Variants in ZFR2 observed in about 807,000 individuals in gnomAD.
ZFR2 encodes the protein zinc finger RNA binding protein 2, also known as zinc finger RNA-binding protein 2.
ZFR2 carries 104 observed loss-of-function variants against 105.7 expected under a neutral mutation model. That is an observed-to-expected ratio of 0.98 (90% CI 0.84 to 1.16). The LOEUF (loss-of-function observed/expected upper bound fraction) is 1.16, where lower values mean the gene tolerates loss of function less well. Ranked by LOEUF, ZFR2 falls within the 50% of genes most tolerant of loss-of-function variation. ZFR2 has a pLI of 0.00. For synonymous variants in ZFR2, 634 were observed against 597.7 expected (o/e 1.06, Z -0.89); for missense variants, 1,425 against 1,355.5 (o/e 1.05, Z -0.80).
rs2037761155 is a variant in ZFR2, at chr19:3,811,295, G to A, written c.2314C>T (p.Leu772Phe). The A allele has an allele frequency of 1.2e-6, 2 of 1,601,558 alleles. No individual in the cohort carries two copies. The highest frequency in any genetic ancestry group is 1.3e-5 in the African/African-American group (1 of 74,578). ...ACCTGAAACCACCTGGCATGACGGA[G>A]GGCGGCCAGGGACTCGAGGCACTTC... ...PKKCLESLAALRHARWFQARA... is the reference protein window; with the variant it reads ...PKKCLESLAAFRHARWFQARA... Residue 772 changes from leucine (L) to phenylalanine (F), a missense_variant, in exon 15 of 19, where the codon CTC becomes TTC. Coordinates refer to ENST00000262961, the MANE Select transcript of ZFR2 (RefSeq NM_015174.2).
chr19:3,811,873 G>T (rs1459102226), intron 14 of ZFR2, among the ~76,000 whole-genome samples: 1 of 152,152 alleles, frequency 6.6e-6, no homozygotes, highest in Non-Finnish European at 1.5e-5. Flanking sequence ...TGATCCTCCT[G>T]CCTCAGCCTC....
At chr19:3,822,640 C>T (rs543286132) in intron 8 of ZFR2, among the ~76,000 whole-genome samples, 1 of 152,208 alleles carries the variant, frequency 6.6e-6, no homozygotes, top group South Asian at 2.1e-4. Context: ...TGATTGAGCC[C>T]AGAAGTTTGA....
rs1037566457 is a variant in ZFR2 at position 3,808,778 on chromosome 19, G to A, written c.2545+94C>T. The A allele has an allele frequency of 5.7e-6, 6 of 1,056,980 alleles. No individual in the cohort carries two copies. In the Admixed American group the frequency reaches 8.5e-5, roughly 15 times the overall value. The allele number at this position is 1,056,980 out of a possible 1,614,324, so 65.5% of individuals were successfully genotyped here. A position where few individuals can be genotyped will look rare whatever the true frequency, so the allele number is the denominator to read the frequency against. ...CCTGCCTGGGCTGGACACTTCCTCT[G>A]TGTCTGTGACCCCAGCTCTCTGTGC... On this transcript the variant is annotated intron_variant, in intron 17 of 18. Transcript: ENST00000262961.
chr19:3,808,269 G>A (rs2037724792), intron 17 of ZFR2, among the ~76,000 whole-genome samples: 2 of 152,260 alleles, frequency 1.3e-5, no homozygotes, highest in African/African-American at 2.4e-5. Context: ...GTGTGCGTGT[G>A]CATGCCTACA....
At chr19:3,820,892 G>GT (rs1319290146) in intron 10 of ZFR2, among the ~76,000 whole-genome samples, 1 of 116,062 alleles carries the variant, frequency 8.6e-6, no homozygotes. Context: ...GGGGACACAG[G>GT]GACACTAGAG....
chr19:3,828,146 T>A (rs982766784), intron 5 of ZFR2, among the ~76,000 whole-genome samples: 18 of 137,720 alleles, frequency 1.3e-4, no homozygotes, highest in Admixed American at 2.2e-4. Context: ...ACGTCTCAAA[T>A]TTTTTTTTTT....
At chr19:3,808,287 T>C (rs2037725024) in intron 17 of ZFR2, among the ~76,000 whole-genome samples, 1 of 152,230 alleles carries the variant, frequency 6.6e-6, no homozygotes, top group Non-Finnish European at 1.5e-5. Context: ...ACACGTGTGC[T>C]TTACATGATG....
At chr19:3,836,162 C>T (rs1448136519) in intron 1 of ZFR2, among the ~76,000 whole-genome samples, 5 of 152,102 alleles carry the variant, frequency 3.3e-5, no homozygotes, top group East Asian at 1.9e-4. Flanking sequence ...AGCACTATGC[C>T]GATGGCTGTT....
Position 3,823,510 on chromosome 19 carries a change from G to T in ZFR2, c.1214-107C>A. The T allele has an allele frequency of 8.7e-7, 1 of 1,147,758 alleles. No homozygotes were observed. Among genetic ancestry groups the T allele is most frequent in the Non-Finnish European group, 1.2e-6 (1 of 825,814 alleles). The allele number at this position is 1,147,758 out of a possible 1,614,324, so 71.1% of individuals were successfully genotyped here. On this transcript the variant is annotated intron_variant, in intron 7 of 18. Transcript: ENST00000262961. The surrounding 1 kb of genome is among the most constrained non-coding windows in gnomAD (Gnocchi z 5.4). ...GAGAGCCACCCAGACTGCAGGCTGT[G>T]CCATCCCCCTCCCTCCTGTGATGTC...
chr19:3,844,034 C>A (rs2038164098), intron 1 of ZFR2, among the ~76,000 whole-genome samples: 1 of 118,312 alleles, frequency 8.5e-6, no homozygotes, highest in Non-Finnish European at 1.8e-5. Context: ...GTGCCAGGGA[C>A]CGGGGAGGGG....
At chr19:3,839,525 C>A (rs1406332075) in intron 1 of ZFR2, among the ~76,000 whole-genome samples, 1 of 101,420 alleles carries the variant, frequency 9.9e-6, no homozygotes, top group Non-Finnish European at 1.8e-5. Flanking sequence ...GGTGACAGAG[C>A]GGGATTCTGT....
At chr19:3,812,063 C>A (rs1160779515) in intron 14 of ZFR2, among the ~76,000 whole-genome samples, 1 of 152,162 alleles carries the variant, frequency 6.6e-6, no homozygotes, top group Non-Finnish European at 1.5e-5. Context: ...CCTGCCTCAA[C>A]CTCCTGAGTA....
In ZFR2 at chr19:3,825,355, G is replaced by A; in HGVS notation, c.1088C>T (p.Ala363Val). The change falls in exon 7 of 19, where the codon GCA (alanine) becomes GTA (valine). Residue 363 changes from alanine to valine, a missense_variant. Physicochemically the swap from Ala to Val is moderately conservative, Grantham distance 64 (BLOSUM62 0). Coordinates refer to ENST00000262961, the MANE Select transcript of ZFR2 (RefSeq NM_015174.2). ...CCCGGGGGGGCTCTCTGTGGCCAGT[G>A]CAGGCTCGAGGGTGGGAATGGGCTT... ...LGKPIPTLEP[A>V]LATESPPGAE... The A allele has an allele frequency of 1.9e-6, 3 of 1,591,994 alleles. No individual in the cohort carries two copies. Among genetic ancestry groups the A allele is most frequent in the South Asian group, 1.1e-5 (1 of 87,732 alleles).
At position 3,838,330 on chromosome 19, in the gene ZFR2, C is replaced by A. The variant is rs1413806452; in HGVS notation, c.54-3347G>T. Among the ~76,000 whole-genome samples, 2 of 152,226 alleles carry A rather than the reference C, an allele frequency of 1.3e-5. No individual in the cohort carries two copies. Among genetic ancestry groups the A allele is most frequent in the South Asian group, 2.1e-4 (1 of 4,830 alleles). On this transcript the variant is annotated intron_variant, in intron 1 of 18. Transcript: ENST00000262961. This position sits in a 1 kb window ranked among gnomAD's most constrained non-coding sequence, Gnocchi z 4.9. Reference sequence around the variant, plus strand: ...GACAGTGGCAGTACTCCTGTTCCCACACTCCCTCCCGTAGGTGGCTATGAA... The same window carrying A: ...GACAGTGGCAGTACTCCTGTTCCCAAACTCCCTCCCGTAGGTGGCTATGAA...
chr19:3,812,961 G>A (rs180797209), intron 14 of ZFR2, among the ~76,000 whole-genome samples: 15 of 152,210 alleles, frequency 9.9e-5, no homozygotes, highest in Admixed American at 6.5e-4. Context: ...CACACCTGTA[G>A]TCCCAGCTAC....
chr19:3,820,820 C>T (rs192817383), intron 10 of ZFR2, among the ~76,000 whole-genome samples: 2 of 109,718 alleles, frequency 1.8e-5, no homozygotes, highest in African/African-American at 7.0e-5. Context: ...TCACATGGCA[C>T]ACTAGAGGTC....
chr19:3,848,082 G>A (rs1304865962), intron 1 of ZFR2, among the ~76,000 whole-genome samples: 12 of 152,232 alleles, frequency 7.9e-5, no homozygotes, highest in Admixed American at 7.9e-4. Flanking sequence ...CAGCTCTAGA[G>A]CCCTTTGGAC....
At position 3,822,063 on chromosome 19, in the gene ZFR2, T is replaced by TCC. The variant is rs532926663; in HGVS notation, c.1491+16_1491+17dup. ...GCACAGCCCGGACGGGTGTCGGAGC[T>TCC]CCCCCTGCTGGACGCACCCGGTACT... On this transcript the variant is annotated intron_variant, in intron 9 of 18. Transcript: ENST00000262961. 3.7e-4 allele frequency: 588 copies of TCC among 1,582,316 alleles called. 3 individuals carry two copies. The African/African-American group carries it at 7.3e-3, about 20-fold the overall frequency.
chr19:3,868,627 G>GCCCCCATCAGGGGCTGACC (rs1198740134), intron 1 of ZFR2, among the ~76,000 whole-genome samples: 15 of 139,088 alleles, frequency 1.1e-4, no homozygotes, highest in Admixed American at 8.9e-4. Flanking sequence ...TCCTCGTGGC[G>GCCCCCATCAGGGGCTGACC]CCCCCATCAG....
Sources: gnomAD v4.1 joint callset for allele counts (sites outside exome capture counted in the v4.1 genomes callset) on GRCh38, gnomAD v4.1.1 for gene constraint, Gnocchi (gnomAD v3.1) non-coding constraint, MANE v1.5 for transcripts, NCBI Gene and HGNC (gene_info 2026-07-23, HGNC 2026-07-21) for gene names.